The following PRDM6 variants were observed in gnomAD, a reference collection of about 807,000 sequenced individuals.
The protein encoded by PRDM6 is PR/SET domain 6, also known as putative histone-lysine N-methyltransferase PRDM6.
A neutral mutation model predicts 60.8 loss-of-function variants in PRDM6; 25 were observed. That is an observed-to-expected ratio of 0.41 (90% CI 0.30 to 0.57). The LOEUF (loss-of-function observed/expected upper bound fraction) is 0.57. PRDM6 is among the 20% of genes least tolerant of loss of function. The probability of loss-of-function intolerance (pLI) is 0.27; values close to 1 mark genes in which losing one functional copy is unlikely to be tolerated. For synonymous variants in PRDM6, 407 were observed against 357.4 expected, an observed-to-expected ratio of 1.14 and a Z score of -1.57; for missense variants, 839 against 821.3, an observed-to-expected ratio of 1.02 and a Z score of -0.26.
At chr5:123,091,127 G>A (rs1361262533) in intron 2 of PRDM6, among the ~76,000 whole-genome samples, 1 of 152,152 alleles carries the variant, frequency 6.6e-6, no homozygotes, top group African/African-American at 2.4e-5. Context: ...TGGGGGAACC[G>A]GCGGGAGCTG....
At position 123,188,006 on chromosome 5, in the gene PRDM6, A is replaced by G. The variant is rs2126896290; in HGVS notation, c.*805A>G. 6.6e-6 allele frequency: 1 copy of G among 152,278 alleles called. No homozygotes were observed. Among genetic ancestry groups the G allele is most frequent in the South Asian group, 2.1e-4 (1 of 4,826 alleles). 9.4% of individuals were successfully genotyped at this position (152,278 alleles called of 1,614,324 possible). ...GTTTTCAATAACATTTTAGCTTAAA[A>G]AAAAAAAAAGAAAATGAAAATAAAG... On this transcript the variant is annotated 3_prime_UTR_variant, in exon 8 of 8. Transcript: ENST00000407847.
chr5:123,105,835 C>T (rs1271640622), intron 3 of PRDM6, among the ~76,000 whole-genome samples: 1 of 152,174 alleles, frequency 6.6e-6, no homozygotes, highest in African/African-American at 2.4e-5. Context: ...TATACTTTTC[C>T]TTGTAAGCAT....
intron 3 of PRDM6, among the ~76,000 whole-genome samples, chr5:123,100,404 G>A (rs1322524381): frequency 2.0e-5 from 3 of 152,212 alleles, no homozygotes; most frequent in Admixed American, 6.5e-5. Context: ...TGTGTAGTGA[G>A]CAGAAAGGAA....
intron 3 of PRDM6, among the ~76,000 whole-genome samples, chr5:123,153,226 T>C (rs1031652352): frequency 1.1e-4 from 16 of 151,066 alleles, no homozygotes; most frequent in Non-Finnish European, 2.2e-4. Flanking sequence ...AAGGGCTAGG[T>C]TTTCTTTTCA....
chr5:123,164,239 G>T (rs1765702964), intron 5 of PRDM6, among the ~76,000 whole-genome samples: 2 of 152,182 alleles, frequency 1.3e-5, no homozygotes, highest in Non-Finnish European at 2.9e-5. Context: ...TTGAGCTCGG[G>T]GCTGTCAGGC....
intron 1 of PRDM6, 55 bp downstream of exon 1, chr5:123,089,574 T>G: frequency 5.9e-6 from 1 of 168,716 alleles, no homozygotes; most frequent in Non-Finnish European, 1.2e-5. Flanking sequence ...GATAGGAAGG[T>G]TGGTGGTCCT....
chr5:123,161,635 A>G (rs1046012890), intron 5 of PRDM6, among the ~76,000 whole-genome samples: 2 of 152,166 alleles, frequency 1.3e-5, no homozygotes, highest in Non-Finnish European at 1.5e-5. Context: ...GCATGTTGGA[A>G]GAGCATCACA....
intron 3 of PRDM6, among the ~76,000 whole-genome samples, chr5:123,116,146 C>T (rs1367107453): frequency 1.3e-5 from 2 of 152,196 alleles, no homozygotes; most frequent in African/African-American, 4.8e-5. Context: ...GCTGCTTGCT[C>T]AGTTCCTCTG....
rs1019503172 is a variant in PRDM6, at chr5:123,189,386, C to T, written c.*2185C>T. 6.6e-6 allele frequency: 1 copy of T among 152,072 alleles called. No individual in the cohort carries two copies. The highest frequency in any genetic ancestry group is 1.5e-5 in the Non-Finnish European group (1 of 68,018). The allele number at this position is 152,072 out of a possible 1,614,324, so 9.4% of individuals were successfully genotyped here. On this transcript the variant is annotated 3_prime_UTR_variant, in exon 8 of 8. Transcript: ENST00000407847. Reference sequence around the variant, plus strand: ...TTGAAAAATCAGCTCAGCCATTTGCCACATTTCACAGTGGAACACCATGTA... The same window carrying T: ...TTGAAAAATCAGCTCAGCCATTTGCTACATTTCACAGTGGAACACCATGTA...
chr5:123,138,692 A>C (rs1765027452), intron 3 of PRDM6, among the ~76,000 whole-genome samples: 1 of 152,204 alleles, frequency 6.6e-6, no homozygotes, highest in Non-Finnish European at 1.5e-5. Flanking sequence ...ATAATCATAG[A>C]ATTTTCAATA....
At chr5:123,152,010 GAAA>G (rs983754438) in intron 3 of PRDM6, among the ~76,000 whole-genome samples, 1 of 151,922 alleles carries the variant, frequency 6.6e-6, no homozygotes, top group Non-Finnish European at 1.5e-5. Context: ...AAAAAAAACA[GAAA>G]AAAACAATAC....
At chr5:123,134,666 G>T (rs1764912156) in intron 3 of PRDM6, among the ~76,000 whole-genome samples, 1 of 152,024 alleles carries the variant, frequency 6.6e-6, no homozygotes, top group African/African-American at 2.4e-5. Flanking sequence ...ATGAAATTAA[G>T]CCAGAATAAC....
At chr5:123,138,028 C>CCT (rs545850194) in intron 3 of PRDM6, among the ~76,000 whole-genome samples, 1,226 of 15,594 alleles carry the variant, frequency 0.079, 11 homozygotes, top group African/African-American at 0.15. Context: ...TCTGGGTTCA[C>CCT]CCCCGCACCT....
At chr5:123,092,614 A>G (rs1763866398) in intron 2 of PRDM6, among the ~76,000 whole-genome samples, 2 of 152,194 alleles carry the variant, frequency 1.3e-5, no homozygotes, top group Admixed American at 1.3e-4. Context: ...AATAATTTAT[A>G]TTGTGTTAAT....
Position 123,090,524 on chromosome 5 carries a change from A to G in PRDM6, c.510A>G (p.Ala170=), listed in dbSNP as rs533402943. 7 of 1,505,164 alleles carry G rather than the reference A, an allele frequency of 4.7e-6. No homozygotes were observed. The highest frequency in any genetic ancestry group is 2.3e-4 in the Middle Eastern group (1 of 4,284). The allele number at this position is 1,505,164 out of a possible 1,614,324, so 93.2% of individuals were successfully genotyped here. A position where few individuals can be genotyped will look rare whatever the true frequency, so the allele number is the denominator to read the frequency against. ...GRGAPRFRCS[A]EELDYYLYGQ... ...GCGCCCCGCGCTTCCGCTGCAGCGC[A>G]GAGGAGCTGGACTATTACCTGTATG... is the stretch of plus-strand genomic sequence containing the variant. The change falls in exon 2 of 8, where the codon GCA becomes GCG. Residue 170 remains alanine, a synonymous_variant. Transcript: ENST00000407847.
rs1469590027 is a variant in PRDM6 at position 123,170,924 on chromosome 5, C to G, written c.1312C>G (p.Pro438Ala). ...RNFSLLDKSG[P>A]IESGFNQINV... The stretch of plus-strand genomic sequence containing the variant: ...CTTCTCTCTTCTGGATAAGTCTGGG[C>G]CCATTGAATCAGGATTTAATCAAAT... Residue 438 changes from proline to alanine, a missense_variant, in exon 6 of 8, where the codon CCC (proline) becomes GCC (alanine). Transcript: ENST00000407847. The G allele has an allele frequency of 3.2e-6, 5 of 1,551,968 alleles. No individual in the cohort carries two copies. Among genetic ancestry groups the G allele is most frequent in the Non-Finnish European group, 4.4e-6 (5 of 1,147,070 alleles).
At chr5:123,165,887 G>A (rs1045161915) in intron 5 of PRDM6, among the ~76,000 whole-genome samples, 2 of 151,972 alleles carry the variant, frequency 1.3e-5, no homozygotes, top group Non-Finnish European at 2.9e-5. Context: ...ATCTTTTTTT[G>A]GCTTGCCATT....
chr5:123,174,776 GA>G (rs796226634), intron 6 of PRDM6, among the ~76,000 whole-genome samples: 339 of 148,180 alleles, frequency 2.3e-3, no homozygotes, highest in African/African-American at 7.0e-3. Context: ...ATTTAACACA[GA>G]AAAAAAAAAT....
At chr5:123,123,407 T>C (rs1349978114) in intron 3 of PRDM6, among the ~76,000 whole-genome samples, 1 of 152,198 alleles carries the variant, frequency 6.6e-6, no homozygotes, top group Non-Finnish European at 1.5e-5. Context: ...ATTAAGGATG[T>C]GTAGAACCAT....
Sources: allele counts gnomAD v4.1 joint callset (sites outside exome capture counted in the v4.1 genomes callset), GRCh38; gene constraint gnomAD v4.1.1; transcripts MANE v1.5; gene names NCBI Gene and HGNC (gene_info 2026-07-23, HGNC 2026-07-21).